SYN2: variants seen among roughly 807,000 people sequenced by gnomAD.
SYN2 encodes the protein synapsin-2.
In SYN2, 19 loss-of-function variants were observed where a neutral mutation model predicts 50.9. That is an observed-to-expected ratio of 0.37 (90% CI 0.26 to 0.55). The LOEUF is 0.55. Among genes scored for constraint, SYN2 ranks in the 20% least tolerant of loss-of-function variants. The probability of loss-of-function intolerance (pLI) is 0.81; values close to 1 mark genes in which losing one functional copy is unlikely to be tolerated. For synonymous variants in SYN2, 255 were observed against 224.9 expected, an observed-to-expected ratio of 1.13 and a Z score of -1.20; for missense variants, 587 against 576.4, an observed-to-expected ratio of 1.02 and a Z score of -0.19.
chr3:12,084,326 G>C (rs1413634808), intron 1 of SYN2, among the ~76,000 whole-genome samples: 2 of 151,724 alleles, frequency 1.3e-5, no homozygotes, highest in African/African-American at 4.8e-5. Context: ...GATGCTCTTG[G>C]GAAATGTAAT....
At chr3:12,013,351 G>T (rs994293990) in intron 1 of SYN2, among the ~76,000 whole-genome samples, 2 of 152,006 alleles carry the variant, frequency 1.3e-5, no homozygotes, top group African/African-American at 4.8e-5. Context: ...ATTAAATGTA[G>T]ATGTTCCTCC....
chr3:12,161,370 G>A (rs545647978), intron 5 of SYN2, among the ~76,000 whole-genome samples, 176 bp from the exon 6 acceptor site: 1 of 152,314 alleles, frequency 6.6e-6, no homozygotes, highest in African/African-American at 2.4e-5. Context: ...TATGCTCTGT[G>A]ACCCTGGGAA....
At chr3:12,063,695 T>C (rs1695157297) in intron 1 of SYN2, among the ~76,000 whole-genome samples, 2 of 152,028 alleles carry the variant, frequency 1.3e-5, no homozygotes, top group Admixed American at 1.3e-4. Flanking sequence ...GGAAGGGGGC[T>C]GTGTCAAAAG....
chr3:12,041,928 C>T (rs182662391), intron 1 of SYN2, among the ~76,000 whole-genome samples: 2 of 152,304 alleles, frequency 1.3e-5, no homozygotes, highest in African/African-American at 4.8e-5. Context: ...CCTTTCTTCT[C>T]TAGCTAAATC....
intron 1 of SYN2, among the ~76,000 whole-genome samples, chr3:12,105,376 T>G (rs1369406489): frequency 6.6e-6 from 1 of 151,806 alleles, no homozygotes; most frequent in Non-Finnish European, 1.5e-5. Flanking sequence ...ACTATAGTCT[T>G]TTATCTATGC....
At chr3:12,068,292 G>A (rs983004219) in intron 1 of SYN2, among the ~76,000 whole-genome samples, 2 of 152,114 alleles carry the variant, frequency 1.3e-5, no homozygotes, top group Non-Finnish European at 2.9e-5. Flanking sequence ...TTTTTCCTTA[G>A]AATGTTGAAG....
chr3:12,044,249 G>A (rs1694689949), intron 1 of SYN2, among the ~76,000 whole-genome samples: 1 of 151,192 alleles, frequency 6.6e-6, no homozygotes, highest in Non-Finnish European at 1.5e-5. Flanking sequence ...CAAGTGAGGA[G>A]AGGGCAGTAA....
intron 1 of SYN2, among the ~76,000 whole-genome samples, chr3:12,083,689 C>T (rs547791933): frequency 6.6e-6 from 1 of 152,308 alleles, no homozygotes; most frequent in South Asian, 2.1e-4. Flanking sequence ...GGCTGCTGCT[C>T]CCACTGAAGA....
intron 4 of SYN2, among the ~76,000 whole-genome samples, chr3:12,150,909 T>G (rs972862298): frequency 1.6e-4 from 24 of 152,150 alleles, no homozygotes; most frequent in African/African-American, 5.8e-4. Flanking sequence ...AGCTTCACCT[T>G]GCAGTTCTGT....
Position 12,191,156 on chromosome 3 carries a change from C to T in SYN2, c.*531C>T, listed in dbSNP as rs1039510154. The T allele has an allele frequency of 1.0e-5, 10 of 985,474 alleles. No individual in the cohort carries two copies. Among genetic ancestry groups the T allele is most frequent in the Admixed American group, 6.1e-5 (1 of 16,268 alleles). 61.0% of individuals were successfully genotyped at this position (985,474 alleles called of 1,614,324 possible). ...GTTTAAAGCACACCCACCCAACTTA[C>T]AAGATCTTAGGCTGCTGTGGTGGTG... On this transcript the variant is annotated 3_prime_UTR_variant, in exon 13 of 13. Transcript: ENST00000621198.
At chr3:12,098,238 C>T (rs1296765758) in intron 1 of SYN2, among the ~76,000 whole-genome samples, 1 of 151,966 alleles carries the variant, frequency 6.6e-6, no homozygotes, top group African/African-American at 2.4e-5. Context: ...ATTCAAAATG[C>T]TAAGAGAAAA....
At chr3:12,064,922 G>T (rs1695180095) in intron 1 of SYN2, among the ~76,000 whole-genome samples, 1 of 152,100 alleles carries the variant, frequency 6.6e-6, no homozygotes, top group African/African-American at 2.4e-5. Flanking sequence ...CTTGTACACA[G>T]ATGTTCATAG....
chr3:12,008,042 G>A (rs944468303), intron 1 of SYN2, among the ~76,000 whole-genome samples: 2 of 152,010 alleles, frequency 1.3e-5, no homozygotes, highest in Non-Finnish European at 2.9e-5. Flanking sequence ...CTCTTTTAAG[G>A]TTCATGGCTA....
intron 1 of SYN2, among the ~76,000 whole-genome samples, chr3:12,035,003 C>T (rs188774228): frequency 8.9e-4 from 136 of 152,176 alleles, no homozygotes; most frequent in Middle Eastern, 3.4e-3. Context: ...TTCTTCCAGC[C>T]GTGAGCCTGT....
chr3:12,186,806 C>CTA lies in SYN2; in HGVS notation c.1370-561_1370-560dup, dbSNP rs1186985267. 1.2e-4 allele frequency among the ~76,000 whole-genome samples: 19 copies of CTA among 152,274 alleles called. 1 individual carries two copies. The highest frequency in any genetic ancestry group is 4.6e-4 in the African/African-American group (19 of 41,574). On this transcript the variant is annotated intron_variant, in intron 11 of 12. Transcript: ENST00000621198. ...TACTTTTTGAAGAACTTGCTCAACC[C>CTA]TATTATCTTTGAAACACTACCCCTT...
chr3:12,149,642 C>G (rs534928551), intron 4 of SYN2, among the ~76,000 whole-genome samples: 21 of 152,234 alleles, frequency 1.4e-4, no homozygotes, highest in African/African-American at 4.6e-4. Flanking sequence ...TCTATAAAGT[C>G]CCTTTTGACA....
chr3:12,105,466 G>C (rs1472003855), intron 1 of SYN2, among the ~76,000 whole-genome samples: 1 of 126,474 alleles, frequency 7.9e-6, no homozygotes, highest in Non-Finnish European at 1.7e-5. Flanking sequence ...TCCTTTTCAG[G>C]GGCTACCTAG....
rs562422480 is a variant in SYN2 at position 12,187,563 on chromosome 3, C to T, written c.1564C>T (p.Pro522Ser). 2 of 1,552,250 alleles carry T rather than the reference C, an allele frequency of 1.3e-6. No individual in the cohort carries two copies. Among genetic ancestry groups the T allele is most frequent in the Admixed American group, 2.0e-5 (1 of 51,048 alleles). Residue 522 changes from proline to serine, a missense_variant, in exon 12 of 13, where the codon CCA (proline) becomes TCA (serine). Coordinates refer to ENST00000621198, the MANE Select transcript of SYN2 (RefSeq NM_133625.6). The part of the protein sequence containing the change: ...SSSSSLAEAQ[P>S]PLAAPPQKPQ... ...CAGCAGCTCCCTGGCAGAGGCCCAG[C>T]CACCCCTGGCTGCTCCACCACAGAA... is the stretch of plus-strand genomic sequence containing the variant.
chr3:12,090,181 C>T lies in SYN2; in HGVS notation c.378-50470C>T, dbSNP rs576616017. Among the ~76,000 whole-genome samples the T allele has an allele frequency of 1.1e-3, 165 of 152,234 alleles. 1 individual carries two copies. Among genetic ancestry groups the T allele is most frequent in the African/African-American group, 3.9e-3 (162 of 41,534 alleles). ...TGGCCCTTATGAATTATTAAATCAG[C>T]AGCTCCTTAAGAAATCCACACCCAG... On this transcript the variant is annotated intron_variant, in intron 1 of 12. Transcript: ENST00000621198.
Sources: allele counts gnomAD v4.1 joint callset (sites outside exome capture counted in the v4.1 genomes callset), GRCh38; gene constraint gnomAD v4.1.1; transcripts MANE v1.5; gene names NCBI Gene and HGNC (gene_info 2026-07-23, HGNC 2026-07-21).